Variants in CACNA2D1 observed in about 807,000 individuals in gnomAD.
CACNA2D1 encodes the protein calcium voltage-gated channel auxiliary subunit alpha2delta 1.
In CACNA2D1, 53 loss-of-function variants were observed where a neutral mutation model predicts 171.5. The ratio of observed to expected loss-of-function variants is 0.31; its 90% CI spans 0.25 to 0.39. CACNA2D1 has a LOEUF of 0.39. CACNA2D1 is among the 10% of genes least tolerant of loss of function. The probability of loss-of-function intolerance (pLI) is 1.00; values close to 1 mark genes in which losing one functional copy is unlikely to be tolerated. For synonymous variants in CACNA2D1, 442 were observed against 443.1 expected, an observed-to-expected ratio of 1.00 and a Z score of 0.03; for missense variants, 903 against 1,299.8, an observed-to-expected ratio of 0.69 and a Z score of 4.69.
In CACNA2D1 at chr7:81,946,568, AG is replaced by A. The variant is rs1196383851; in HGVS notation, c.*3823del. 1 of 152,196 alleles carries A rather than the reference AG, an allele frequency of 6.6e-6. No homozygotes were observed. The highest frequency in any genetic ancestry group is 1.5e-5 in the Non-Finnish European group (1 of 68,020). 9.4% of individuals were successfully genotyped at this position (152,196 alleles called of 1,614,324 possible). A position where few individuals can be genotyped will look rare whatever the true frequency, so the allele number is the denominator to read the frequency against. ...CAAATTTTTACAAAATGTTTTTATC[AG>A]GCTAGGTAATTTTCACAAAAGTGTC... On this transcript the variant is annotated 3_prime_UTR_variant, in exon 39 of 39. Transcript: ENST00000356860.
intron 10 of CACNA2D1, among the ~76,000 whole-genome samples, chr7:82,046,053 A>G (rs1382899172): frequency 6.6e-6 from 1 of 152,184 alleles, no homozygotes; most frequent in Non-Finnish European, 1.5e-5. Context: ...TCAAATTAAA[A>G]TTGCTCTCAT....
At chr7:82,435,513 A>G (rs1318827626) in intron 1 of CACNA2D1, among the ~76,000 whole-genome samples, 1 of 152,070 alleles carries the variant, frequency 6.6e-6, no homozygotes, top group Admixed American at 6.6e-5. Context: ...GTCATCTCCA[A>G]TTCTTCTTCC....
chr7:82,437,693 TAC>T (rs34382812), intron 1 of CACNA2D1, among the ~76,000 whole-genome samples: 45,098 of 151,010 alleles, frequency 0.3, 7,988 homozygotes, highest in South Asian at 0.55. Context: ...TCATAACCTG[TAC>T]AAACAAGTGG....
At chr7:81,969,183 C>T (rs529937881) in intron 28 of CACNA2D1, among the ~76,000 whole-genome samples, 81 of 151,332 alleles carry the variant, frequency 5.4e-4, no homozygotes, top group African/African-American at 1.9e-3. Flanking sequence ...TTAATTGATT[C>T]GGGGACATTA....
intron 3 of CACNA2D1, among the ~76,000 whole-genome samples, chr7:82,290,497 T>C (rs1563317509): frequency 6.6e-6 from 1 of 151,640 alleles, no homozygotes; most frequent in Non-Finnish European, 1.5e-5. Context: ...AACAGTTTCA[T>C]TTTATTTTTT....
At chr7:82,318,732 G>A (rs1327297241) in intron 3 of CACNA2D1, among the ~76,000 whole-genome samples, 1 of 152,094 alleles carries the variant, frequency 6.6e-6, no homozygotes, top group Non-Finnish European at 1.5e-5. Context: ...AAACAAAAAT[G>A]CCAACCTAGA....
At chr7:82,313,822 T>G (rs1814768839) in intron 3 of CACNA2D1, among the ~76,000 whole-genome samples, 1 of 152,238 alleles carries the variant, frequency 6.6e-6, no homozygotes, top group Non-Finnish European at 1.5e-5. Context: ...ATCATGGTTA[T>G]TTATGGGTAA....
chr7:82,090,581 T>C (rs1462964984), intron 6 of CACNA2D1, among the ~76,000 whole-genome samples: 1 of 152,042 alleles, frequency 6.6e-6, no homozygotes, highest in East Asian at 1.9e-4. Context: ...TAAGTACTAT[T>C]TTATATTTAA....
chr7:82,060,169 TATATATATA>T (rs1806513700), intron 10 of CACNA2D1, among the ~76,000 whole-genome samples: 2 of 23,966 alleles, frequency 8.3e-5, no homozygotes, highest in African/African-American at 1.0e-4. Flanking sequence ...ATATATAATA[TATATATATA>T]ATATATATAT....
At chr7:82,232,379 G>A (rs878875709) in intron 3 of CACNA2D1, among the ~76,000 whole-genome samples, 1 of 152,044 alleles carries the variant, frequency 6.6e-6, no homozygotes, top group African/African-American at 2.4e-5. Context: ...CTGCTGGCAA[G>A]TCAGAAAAAT....
intron 3 of CACNA2D1, among the ~76,000 whole-genome samples, chr7:82,219,263 A>G (rs978043660): frequency 1.1e-4 from 16 of 152,186 alleles, no homozygotes; most frequent in African/African-American, 3.1e-4. Context: ...ATAATTTGAT[A>G]GTTTGTATTA....
intron 5 of CACNA2D1, among the ~76,000 whole-genome samples, chr7:82,122,661 A>G (rs944390862): frequency 2.0e-5 from 3 of 152,200 alleles, no homozygotes; most frequent in African/African-American, 7.2e-5. Flanking sequence ...TGTAACCTAT[A>G]TTTTGGGAAG....
At chr7:82,033,395 AT>A (rs1802943799) in intron 11 of CACNA2D1, among the ~76,000 whole-genome samples, 6 of 152,232 alleles carry the variant, frequency 3.9e-5, no homozygotes, top group Admixed American at 3.9e-4. Flanking sequence ...TATTAAAAAA[AT>A]GAGCTTTTAA....
At chr7:82,003,744 C>CTTTT (rs780882992) in intron 18 of CACNA2D1, among the ~76,000 whole-genome samples, 1 of 137,128 alleles carries the variant, frequency 7.3e-6, no homozygotes, top group Non-Finnish European at 1.6e-5. Context: ...CATCACATTA[C>CTTTT]TTTTTTTTTT....
At chr7:82,439,717 G>C (rs927717773) in intron 1 of CACNA2D1, among the ~76,000 whole-genome samples, 1 of 150,884 alleles carries the variant, frequency 6.6e-6, no homozygotes, top group African/African-American at 2.4e-5. Flanking sequence ...TACTACTTAC[G>C]TGGAAAAATA....
intron 18 of CACNA2D1, among the ~76,000 whole-genome samples, chr7:82,003,991 C>A (rs868809027): frequency 9.2e-5 from 14 of 152,094 alleles, no homozygotes; most frequent in African/African-American, 3.4e-4. Flanking sequence ...GTGATCTGCC[C>A]GCCTGGGCCT....
At chr7:82,433,489 A>G (rs1015031305) in intron 1 of CACNA2D1, among the ~76,000 whole-genome samples, 1 of 152,196 alleles carries the variant, frequency 6.6e-6, no homozygotes, top group African/African-American at 2.4e-5. Flanking sequence ...ATCTCCAGTA[A>G]ATTAAAATTA....
intron 25 of CACNA2D1, among the ~76,000 whole-genome samples, chr7:81,973,354 T>C (rs866749919): frequency 6.6e-6 from 1 of 152,074 alleles, no homozygotes; most frequent in African/African-American, 2.4e-5. Flanking sequence ...ATGTAAACTC[T>C]GGCTCCCATG....
At chr7:82,443,156 G>A (rs1830636280) in intron 1 of CACNA2D1, among the ~76,000 whole-genome samples, 1 of 152,004 alleles carries the variant, frequency 6.6e-6, no homozygotes, top group Non-Finnish European at 1.5e-5. Flanking sequence ...CCGGCCCCGT[G>A]GAGGCGCCCG....
Sources: gnomAD v4.1 joint callset for allele counts (sites outside exome capture counted in the v4.1 genomes callset) on GRCh38, gnomAD v4.1.1 for gene constraint, MANE v1.5 for transcripts, NCBI Gene and HGNC (gene_info 2026-07-23, HGNC 2026-07-21) for gene names.